The following PRPF6 variants were observed in gnomAD, a reference collection of about 807,000 sequenced individuals.
PRPF6 encodes pre-mRNA processing factor 6.
A neutral mutation model predicts 118.3 loss-of-function variants in PRPF6; 42 were observed. That is an observed-to-expected ratio of 0.35 (90% CI 0.28 to 0.46). The LOEUF is 0.46. Ranked by LOEUF, PRPF6 falls within the 20% of genes least tolerant of loss-of-function variation. PRPF6 has a pLI of 1.00. For synonymous variants in PRPF6, 481 were observed against 485.1 expected (o/e 0.99, Z 0.11); for missense variants, 662 against 1,255.7 (o/e 0.53, Z 7.15).
chr20:63,982,711 T>C (rs929281696), intron 1 of PRPF6, among the ~76,000 whole-genome samples: 4 of 152,082 alleles, frequency 2.6e-5, no homozygotes, highest in South Asian at 2.1e-4. Context: ...ACAGCTGTTA[T>C]CAGCTGAAAC....
At position 64,029,859 on chromosome 20, in the gene PRPF6, G is replaced by A. The variant is rs1342128580; in HGVS notation, c.2546+368G>A. 5.3e-5 allele frequency among the ~76,000 whole-genome samples: 8 copies of A among 151,762 alleles called. No individual in the cohort carries two copies. The highest frequency in any genetic ancestry group is 1.2e-4 in the Non-Finnish European group (8 of 67,972). On this transcript the variant is annotated intron_variant, in intron 19 of 20. Transcript: ENST00000266079. This position sits in a 1 kb window ranked among gnomAD's most constrained non-coding sequence, Gnocchi z 4.8. Reference sequence around the variant, plus strand: ...CTGGTCGCCGGGTCAGAGACTCACTGGGGACGCATGTGATTCACACTGGTG... The same window carrying A: ...CTGGTCGCCGGGTCAGAGACTCACTAGGGACGCATGTGATTCACACTGGTG...
intron 1 of PRPF6, 57 bp downstream of exon 1, chr20:63,981,373 T>C: frequency 1.3e-6 from 2 of 1,498,500 alleles, no homozygotes; most frequent in South Asian, 2.4e-5. Flanking sequence ...GCGCAGTGCT[T>C]TGGGGCGTGT....
At chr20:64,031,591 TG>T (rs1294914273) in intron 19 of PRPF6, among the ~76,000 whole-genome samples, 4 of 149,736 alleles carry the variant, frequency 2.7e-5, no homozygotes, top group Non-Finnish European at 4.4e-5. Flanking sequence ...GAGAATCGCT[TG>T]AACCTGGGAG....
At chr20:64,000,892 T>C (rs1038552907) in intron 8 of PRPF6, among the ~76,000 whole-genome samples, 185 bp from the exon 9 acceptor site, 5 of 152,180 alleles carry the variant, frequency 3.3e-5, no homozygotes, top group Non-Finnish European at 7.3e-5. Context: ...GTCAGACATA[T>C]GGTAGCCATG....
chr20:64,003,715 C>T (rs971283808), intron 9 of PRPF6, among the ~76,000 whole-genome samples: 3 of 152,204 alleles, frequency 2.0e-5, no homozygotes, highest in African/African-American at 2.4e-5. Flanking sequence ...CCTGCCTCAG[C>T]CCCCCAAGTA....
At chr20:63,992,953 C>T (rs2122998903) in intron 3 of PRPF6, among the ~76,000 whole-genome samples, 1 of 152,070 alleles carries the variant, frequency 6.6e-6, no homozygotes, top group East Asian at 1.9e-4. Context: ...TGCGGTGGCT[C>T]ACACCTGTAA....
At chr20:63,995,660 T>C (rs1465528988) in intron 6 of PRPF6, among the ~76,000 whole-genome samples, 178 bp downstream of exon 6, 1 of 151,258 alleles carries the variant, frequency 6.6e-6, no homozygotes, top group East Asian at 1.9e-4. Context: ...ATTCCGCAGA[T>C]TTTTAAAATT....
Position 63,981,145 on chromosome 20 carries a change from T to G in PRPF6, c.-101T>G. Reference sequence around the variant, plus strand: ...GGGTGACGCGACGACGGCGACACTTTGCTACGGAGTGCATCGGACGTCGAA... The same window carrying G: ...GGGTGACGCGACGACGGCGACACTTGGCTACGGAGTGCATCGGACGTCGAA... On this transcript the variant is annotated 5_prime_UTR_variant, in exon 1 of 21. Coordinates refer to ENST00000266079, the MANE Select transcript of PRPF6 (RefSeq NM_012469.4). The G allele has an allele frequency of 3.1e-6, 4 of 1,284,838 alleles. No homozygotes were observed. Among genetic ancestry groups the G allele is most frequent in the Non-Finnish European group, 4.4e-6 (4 of 905,314 alleles). 79.6% of individuals were successfully genotyped at this position (1,284,838 alleles called of 1,614,324 possible).
At position 64,028,554 on chromosome 20, in the gene PRPF6, G is replaced by A. The variant is rs762632320; in HGVS notation, c.2416G>A (p.Glu806Lys). Residue 806 changes from glutamate to lysine, a missense_variant, in exon 18 of 21, where the codon GAG becomes AAG. Glu to Lys is a moderately conservative substitution (Grantham distance 56, BLOSUM62 1). This residue lies in a region of PRPF6 where 244 missense variants were observed against 383.7 expected (regional missense o/e 0.64). Coordinates refer to ENST00000266079, the MANE Select transcript of PRPF6 (RefSeq NM_012469.4). This position sits in a 1 kb window ranked among gnomAD's most constrained non-coding sequence, Gnocchi z 6.5. Reference sequence around the variant, plus strand: ...TACACTCATGGCCAAGGCGCTGCAGGAGTGCCCCAACTCCGGTAAGGGGGT... The same window carrying A: ...TACACTCATGGCCAAGGCGCTGCAGAAGTGCCCCAACTCCGGTAAGGGGGT... ...ANTLMAKALQ[E>K]CPNSGILWSE... 6.2e-7 allele frequency: 1 copy of A among 1,613,550 alleles called. No individual in the cohort carries two copies. The highest frequency in any genetic ancestry group is 8.5e-7 in the Non-Finnish European group (1 of 1,180,018).
rs1277643032 is a variant in PRPF6 at position 64,032,978 on chromosome 20, C to T, written c.2811C>T (p.Ile937=). ...GDILRLVAGR[I]KNTF ...TCCTTAGGCTGGTGGCCGGCCGCATCAAGAACACCTTCTGATTGAGCGGTT... is the reference window on the plus strand; with the variant it reads ...TCCTTAGGCTGGTGGCCGGCCGCATTAAGAACACCTTCTGATTGAGCGGTT... The change falls in exon 21 of 21, where the codon ATC becomes ATT. Residue 937 remains isoleucine, a synonymous_variant. Coordinates refer to ENST00000266079, the MANE Select transcript of PRPF6 (RefSeq NM_012469.4). 2 of 1,613,216 alleles carry T rather than the reference C, an allele frequency of 1.2e-6. No homozygotes were observed. Among genetic ancestry groups the T allele is most frequent in the African/African-American group, 1.3e-5 (1 of 74,936 alleles).
Position 64,033,065 on chromosome 20 carries a change from CT to C in PRPF6, c.*73del. 1 of 1,595,022 alleles carries C rather than the reference CT, an allele frequency of 6.3e-7. No homozygotes were observed. Among genetic ancestry groups the C allele is most frequent in the Non-Finnish European group, 8.6e-7 (1 of 1,168,102 alleles). ...ATGTGGAAGGGCTCTGAGCTGTGTCCTCCTTCATTAAAAGTTTTTATGTCTC... is the reference window on the plus strand; with the variant it reads ...ATGTGGAAGGGCTCTGAGCTGTGTCCCCTTCATTAAAAGTTTTTATGTCTC... On this transcript the variant is annotated 3_prime_UTR_variant, in exon 21 of 21. Transcript: ENST00000266079.
chr20:63,994,786 C>A, intron 4 of PRPF6, 130 bp from the exon 5 acceptor site: 1 of 1,195,504 alleles, frequency 8.4e-7, no homozygotes, highest in Non-Finnish European at 1.2e-6. Context: ...AAGTAAAAAA[C>A]AGTTGCTGCA....
At chr20:64,030,241 G>T (rs1045384147) in intron 19 of PRPF6, among the ~76,000 whole-genome samples, 4 of 152,172 alleles carry the variant, frequency 2.6e-5, no homozygotes, top group African/African-American at 9.7e-5. Flanking sequence ...GTGACCATGT[G>T]GGGTGAAGGG....
chr20:63,998,901 T>G, intron 6 of PRPF6, 144 bp from the exon 7 acceptor site: 1 of 654,116 alleles, frequency 1.5e-6, no homozygotes, highest in East Asian at 2.8e-5. Context: ...TATCACAAGG[T>G]GTTGTCTGAG....
rs2059165409 is a variant in PRPF6 at position 64,001,311 on chromosome 20, G to C, written c.1186+72G>C. On this transcript the variant is annotated intron_variant, in intron 9 of 20. Transcript: ENST00000266079. ...CCTCTCAGCAGCTTTCCTGCTCCTGGCTCAGGCTTTTGGTGAGAGTGGATA... is the reference window on the plus strand; with the variant it reads ...CCTCTCAGCAGCTTTCCTGCTCCTGCCTCAGGCTTTTGGTGAGAGTGGATA... The C allele has an allele frequency of 2.1e-5, 33 of 1,558,244 alleles. No individual in the cohort carries two copies. In the South Asian group the frequency reaches 3.5e-4, roughly 16 times the overall value.
At chr20:63,996,793 C>T (rs974472042) in intron 6 of PRPF6, among the ~76,000 whole-genome samples, 1 of 152,040 alleles carries the variant, frequency 6.6e-6, no homozygotes, top group Non-Finnish European at 1.5e-5. Flanking sequence ...AATAGCTGGG[C>T]CTGGTGGTGC....
Position 64,031,978 on chromosome 20 carries a change from G to A in PRPF6, c.2607G>A (p.Lys869=), listed in dbSNP as rs201168471. 7.9e-5 allele frequency: 128 copies of A among 1,614,092 alleles called. No homozygotes were observed. The highest frequency in any genetic ancestry group is 2.0e-4 in the Admixed American group (12 of 60,008). The part of the protein sequence containing the change: ...KAREWFHRTV[K]IDSDLGDAWA... ...GGGAGTGGTTCCACCGCACTGTGAAGATTGACTCGGACCTGGGGGATGCCT... is the reference window on the plus strand; with the variant it reads ...GGGAGTGGTTCCACCGCACTGTGAAAATTGACTCGGACCTGGGGGATGCCT... Residue 869 remains lysine (K), a synonymous_variant, in exon 20 of 21, where the codon AAG becomes AAA. Transcript: ENST00000266079.
chr20:64,026,121 G>C lies in PRPF6; in HGVS notation c.2028+63G>C. 6.3e-7 allele frequency: 1 copy of C among 1,593,058 alleles called. No homozygotes were observed. Among genetic ancestry groups the C allele is most frequent in the Non-Finnish European group, 8.5e-7 (1 of 1,177,750 alleles). Reference sequence around the variant, plus strand: ...CATGGTGTGCACATGCGGGCCCCACGCCTGGCTTGGGTGGTGATGGGAGTG... The same window carrying C: ...CATGGTGTGCACATGCGGGCCCCACCCCTGGCTTGGGTGGTGATGGGAGTG... On this transcript the variant is annotated intron_variant, in intron 15 of 20. Coordinates refer to ENST00000266079, the MANE Select transcript of PRPF6 (RefSeq NM_012469.4). The surrounding 1 kb of genome is among the most constrained non-coding windows in gnomAD (Gnocchi z 4.4).
At chr20:64,031,649 G>C (rs1295138378) in intron 19 of PRPF6, among the ~76,000 whole-genome samples, 1 of 150,512 alleles carries the variant, frequency 6.6e-6, no homozygotes, top group Non-Finnish European at 1.5e-5. Context: ...CTCCAGCCTG[G>C]GCGACAGAGC....
Sources: gnomAD v4.1 joint callset for allele counts (sites outside exome capture counted in the v4.1 genomes callset) on GRCh38, gnomAD v4.1.1 for gene constraint, gnomAD v4.1.1 regional missense constraint, Gnocchi (gnomAD v3.1) non-coding constraint, MANE v1.5 for transcripts, NCBI Gene and HGNC (gene_info 2026-07-23, HGNC 2026-07-21) for gene names.